Variants in DLG2 observed in about 807,000 individuals in gnomAD.
The protein encoded by DLG2 is disks large homolog 2.
Under a neutral mutation model 132.5 loss-of-function variants are expected in DLG2, and 45 were observed. That is an observed-to-expected ratio of 0.34 (90% CI 0.27 to 0.44). The LOEUF (loss-of-function observed/expected upper bound fraction) is 0.44. Ranked by LOEUF, DLG2 falls within the 20% of genes least tolerant of loss-of-function variation. The pLI, the probability that DLG2 is intolerant of heterozygous loss-of-function variation, is 1.00. For synonymous variants in DLG2, 424 were observed against 419.6 expected (o/e 1.01, Z -0.13); for missense variants, 1,045 against 1,196.9 (o/e 0.87, Z 1.87).
At chr11:83,508,803 T>C (rs1565542605) in intron 21 of DLG2, among the ~76,000 whole-genome samples, 1 of 152,220 alleles carries the variant, frequency 6.6e-6, no homozygotes, top group Non-Finnish European at 1.5e-5. Context: ...GTGGCAGAAC[T>C]GGGATTCAAA....
chr11:84,830,928 A>C (rs1051564395), intron 6 of DLG2, among the ~76,000 whole-genome samples: 2 of 150,232 alleles, frequency 1.3e-5, no homozygotes, highest in Non-Finnish European at 3.0e-5. Flanking sequence ...ACATTAAGCA[A>C]AGGAAGCAGT....
At chr11:84,630,977 ATTTCTC>A (rs1398488960) in intron 6 of DLG2, among the ~76,000 whole-genome samples, 6 of 79,136 alleles carry the variant, frequency 7.6e-5, no homozygotes, top group Admixed American at 1.4e-4. Context: ...TCTTAAATGC[ATTTCTC>A]TCTCTCTCTC....
At chr11:84,805,919 T>C (rs113028272) in intron 6 of DLG2, among the ~76,000 whole-genome samples, 1 of 152,168 alleles carries the variant, frequency 6.6e-6, no homozygotes, top group Admixed American at 6.5e-5. Context: ...AAGAGCAATT[T>C]TGAACATACT....
chr11:85,066,491 A>C (rs960577988), intron 6 of DLG2, among the ~76,000 whole-genome samples: 3 of 151,672 alleles, frequency 2.0e-5, no homozygotes, highest in Non-Finnish European at 3.0e-5. Context: ...GAACACAACA[A>C]CAACAAAAAA....
At chr11:85,376,874 GA>G (rs1195496480) in intron 3 of DLG2, among the ~76,000 whole-genome samples, 1 of 152,122 alleles carries the variant, frequency 6.6e-6, no homozygotes, top group Non-Finnish European at 1.5e-5. Context: ...AGGACAACAG[GA>G]TTAAGCTGTA....
chr11:85,228,503 G>C (rs962541688), intron 4 of DLG2, among the ~76,000 whole-genome samples: 1 of 152,038 alleles, frequency 6.6e-6, no homozygotes, highest in Non-Finnish European at 1.5e-5. Flanking sequence ...TTTAACCTTT[G>C]TTGGTAATTC....
intron 7 of DLG2, among the ~76,000 whole-genome samples, chr11:84,261,946 C>A (rs958939507): frequency 6.6e-6 from 1 of 152,112 alleles, no homozygotes; most frequent in African/African-American, 2.4e-5. Context: ...CATGTGTGAG[C>A]ATCTGGAGCC....
At chr11:83,737,337 T>C (rs1469667415) in intron 18 of DLG2, among the ~76,000 whole-genome samples, 1 of 152,072 alleles carries the variant, frequency 6.6e-6, no homozygotes, top group Non-Finnish European at 1.5e-5. Flanking sequence ...AAAGAAAAAG[T>C]GAGTGGAGGA....
chr11:85,526,181 A>G (rs2074726697), intron 3 of DLG2, among the ~76,000 whole-genome samples: 1 of 152,206 alleles, frequency 6.6e-6, no homozygotes, highest in Non-Finnish European at 1.5e-5. Context: ...AAGAGCAAAA[A>G]TTAAAAGGAT....
intron 6 of DLG2, among the ~76,000 whole-genome samples, chr11:85,025,096 T>C (rs1448893059): frequency 6.6e-6 from 1 of 152,218 alleles, no homozygotes. Flanking sequence ...TGAATGACCA[T>C]GGAGAAGCAT....
intron 9 of DLG2, among the ~76,000 whole-genome samples, chr11:84,144,677 G>C (rs1202497290): frequency 6.6e-6 from 1 of 152,160 alleles, no homozygotes; most frequent in African/African-American, 2.4e-5. Context: ...AACTCAGAGA[G>C]GGGTAATGAC....
chr11:84,678,384 G>C (rs141024661), intron 6 of DLG2, among the ~76,000 whole-genome samples: 1 of 152,184 alleles, frequency 6.6e-6, no homozygotes, highest in East Asian at 1.9e-4. Flanking sequence ...TAGCACACCA[G>C]GGAGACAACA....
At chr11:84,781,184 A>G (rs2071709376) in intron 6 of DLG2, among the ~76,000 whole-genome samples, 2 of 152,008 alleles carry the variant, frequency 1.3e-5, no homozygotes, top group South Asian at 4.1e-4. Context: ...TTTGAATGTA[A>G]GTTAGTGTCA....
chr11:84,660,858 T>C (rs2099693771), intron 6 of DLG2, among the ~76,000 whole-genome samples: 1 of 152,166 alleles, frequency 6.6e-6, no homozygotes, highest in Non-Finnish European at 1.5e-5. Flanking sequence ...ACTTCCTGAA[T>C]CTATGATTTA....
At chr11:84,137,212 C>A (rs751743540) in intron 9 of DLG2, among the ~76,000 whole-genome samples, 2 of 152,240 alleles carry the variant, frequency 1.3e-5, no homozygotes, top group African/African-American at 4.8e-5. Flanking sequence ...GAAGGCTCAA[C>A]TTTCTCTTGA....
chr11:85,052,284 A>G (rs1267953924), intron 6 of DLG2, among the ~76,000 whole-genome samples: 2 of 152,208 alleles, frequency 1.3e-5, no homozygotes, highest in Non-Finnish European at 2.9e-5. Flanking sequence ...CTATTTCTAA[A>G]TAAGAAAATT....
intron 7 of DLG2, among the ~76,000 whole-genome samples, chr11:84,291,275 G>C (rs543882734): frequency 6.6e-6 from 1 of 151,988 alleles, no homozygotes; most frequent in Admixed American, 6.6e-5. Context: ...GAGAAGTTAT[G>C]GTTAAAATAA....
intron 8 of DLG2, among the ~76,000 whole-genome samples, chr11:84,247,079 C>A (rs1273230702): frequency 6.6e-6 from 1 of 152,062 alleles, no homozygotes; most frequent in East Asian, 1.9e-4. Flanking sequence ...CAGTGCATTT[C>A]TATCAAAGAG....
intron 3 of DLG2, among the ~76,000 whole-genome samples, chr11:85,297,358 T>C (rs2079298690): frequency 6.6e-6 from 1 of 152,150 alleles, no homozygotes; most frequent in Admixed American, 6.6e-5. Flanking sequence ...TCAACTGCAG[T>C]CCCCAAGTAC....
Sources: gnomAD v4.1 joint callset for allele counts (sites outside exome capture counted in the v4.1 genomes callset) on GRCh38, gnomAD v4.1.1 for gene constraint, MANE v1.5 for transcripts, NCBI Gene and HGNC (gene_info 2026-07-23, HGNC 2026-07-21) for gene names.